VPS53: variants seen among roughly 807,000 people sequenced by gnomAD.
VPS53 encodes vacuolar protein sorting-associated protein 53 homolog.
A neutral mutation model predicts 107.0 loss-of-function variants in VPS53; 70 were observed. That is an observed-to-expected ratio of 0.65 (90% CI 0.54 to 0.80). The LOEUF is 0.80. Among genes scored for constraint, VPS53 ranks in the 30% least tolerant of loss-of-function variants. VPS53 has a pLI of 0.00. For missense variants in VPS53, 917 were observed against 1,049.4 expected (o/e 0.87, Z 1.74); for synonymous variants, 409 against 393.3 (o/e 1.04, Z -0.47).
intron 19 of VPS53, among the ~76,000 whole-genome samples, chr17:531,072 A>G (rs755661008): frequency 2.0e-5 from 3 of 152,238 alleles, no homozygotes; most frequent in Non-Finnish European, 4.4e-5. Context: ...GTTTCAGTCT[A>G]TGAACACTGC....
In VPS53 at chr17:519,059, G is replaced by A; in HGVS notation, c.*69C>T. On this transcript the variant is annotated 3_prime_UTR_variant, in exon 22 of 22. Coordinates refer to ENST00000437048, the MANE Select transcript of VPS53 (RefSeq NM_001128159.3). This position sits in a 1 kb window ranked among gnomAD's most constrained non-coding sequence, Gnocchi z 5.0. ...TGTGAGAGTGCCGGGGAGCACAGGAGAGGTTGGGGGCTTCTGGGGAACGGG... is the reference window on the plus strand; with the variant it reads ...TGTGAGAGTGCCGGGGAGCACAGGAAAGGTTGGGGGCTTCTGGGGAACGGG... 2.8e-6 allele frequency: 4 copies of A among 1,432,916 alleles called. No homozygotes were observed. The highest frequency in any genetic ancestry group is 3.7e-6 in the Non-Finnish European group (4 of 1,084,228). 88.8% of individuals were successfully genotyped at this position (1,432,916 alleles called of 1,614,324 possible).
At chr17:657,668 C>T (rs1971247470) in intron 5 of VPS53, 1 of 569,370 alleles carries the variant, frequency 1.8e-6, no homozygotes, top group African/African-American at 1.9e-5. Flanking sequence ...GCCCTGGATA[C>T]CAAACACAAA....
intron 4 of VPS53, among the ~76,000 whole-genome samples, chr17:682,208 C>T (rs1219246923): frequency 1.3e-5 from 2 of 152,044 alleles, no homozygotes; most frequent in African/African-American, 4.8e-5. Context: ...GTGGTAGATT[C>T]TTGAGGATTA....
intron 4 of VPS53, among the ~76,000 whole-genome samples, chr17:672,152 A>ACACAC (rs1555578480): frequency 3.4e-5 from 4 of 118,890 alleles, no homozygotes; most frequent in Admixed American, 8.4e-5. Flanking sequence ...ACACACACAC[A>ACACAC]ATCTCTCTCT....
At chr17:523,643 G>C (rs1908913796) in intron 19 of VPS53, among the ~76,000 whole-genome samples, 1 of 152,228 alleles carries the variant, frequency 6.6e-6, no homozygotes, top group Non-Finnish European at 1.5e-5. Context: ...GGTGTGGTAA[G>C]GAATTACACT....
At chr17:625,475 TAAA>T (rs34322673) in intron 10 of VPS53, among the ~76,000 whole-genome samples, 8 of 136,400 alleles carry the variant, frequency 5.9e-5, no homozygotes, top group South Asian at 2.3e-4. Context: ...CCCCATCTCT[TAAA>T]AAAAAAAAAA....
intron 17 of VPS53, among the ~76,000 whole-genome samples, chr17:546,078 AG>A (rs1911160181): frequency 6.6e-6 from 1 of 152,194 alleles, no homozygotes; most frequent in Admixed American, 6.6e-5. Flanking sequence ...ATTTTTTACG[AG>A]GGTATCAAGA....
At chr17:620,799 G>A (rs1332017617) in intron 11 of VPS53, among the ~76,000 whole-genome samples, 1 of 151,850 alleles carries the variant, frequency 6.6e-6, no homozygotes, top group Non-Finnish European at 1.5e-5. Flanking sequence ...GTCGTGATGG[G>A]GTTTTGTCAC....
chr17:573,352 C>T (rs909091324), intron 13 of VPS53, among the ~76,000 whole-genome samples: 2 of 152,210 alleles, frequency 1.3e-5, no homozygotes, highest in Admixed American at 1.3e-4. Context: ...ACGGCTTAGC[C>T]CAACCTGCTA....
intron 8 of VPS53, among the ~76,000 whole-genome samples, chr17:629,324 T>C (rs1969843087): frequency 6.6e-6 from 1 of 152,184 alleles, no homozygotes; most frequent in Non-Finnish European, 1.5e-5. Flanking sequence ...TGCCAAAACC[T>C]ATGGGTTCAC....
intron 5 of VPS53, chr17:656,914 G>A: frequency 1.4e-6 from 2 of 1,434,816 alleles, no homozygotes; most frequent in Non-Finnish European, 2.0e-6. Context: ...TAGTGAAAAT[G>A]TTGGAAACTT....
intron 7 of VPS53, among the ~76,000 whole-genome samples, chr17:633,998 T>C (rs998287415): frequency 6.6e-6 from 1 of 152,010 alleles, no homozygotes; most frequent in Non-Finnish European, 1.5e-5. Context: ...GAACTTATAG[T>C]AGGAACTTTT....
chr17:572,412 G>A (rs1188402451), intron 13 of VPS53, among the ~76,000 whole-genome samples: 5 of 138,522 alleles, frequency 3.6e-5, no homozygotes, highest in African/African-American at 1.1e-4. Context: ...GGAGGGAGGT[G>A]GGGGGGTCAG....
chr17:657,366 A>G, intron 5 of VPS53: 3 of 775,134 alleles, frequency 3.9e-6, no homozygotes, highest in Non-Finnish European at 7.0e-6. Flanking sequence ...ATCGATCTTA[A>G]TGAACCGCTG....
intron 11 of VPS53, among the ~76,000 whole-genome samples, chr17:611,784 C>T (rs915889260): frequency 1.3e-5 from 2 of 151,084 alleles, no homozygotes; most frequent in African/African-American, 4.9e-5. Context: ...TGAGTTCACA[C>T]AGTGAAAACC....
At chr17:688,315 C>T (rs1330368099) in intron 4 of VPS53, among the ~76,000 whole-genome samples, 2 of 152,184 alleles carry the variant, frequency 1.3e-5, no homozygotes, top group African/African-American at 4.8e-5. Flanking sequence ...CTCATTCTTC[C>T]TCTCTCCTGC....
intron 4 of VPS53, among the ~76,000 whole-genome samples, chr17:684,709 G>A (rs1030024892): frequency 3.9e-5 from 6 of 152,004 alleles, no homozygotes; most frequent in East Asian, 1.9e-4. Flanking sequence ...CAAGTTGGCC[G>A]GGCGCGGTGG....
intron 15 of VPS53, among the ~76,000 whole-genome samples, chr17:553,845 C>T (rs1052307279): frequency 1.3e-5 from 2 of 152,166 alleles, no homozygotes; most frequent in Admixed American, 1.3e-4. Context: ...GCTGAGATTA[C>T]AAGTGTGAGC....
At position 524,706 on chromosome 17, in the gene VPS53, A is replaced by C. The variant is rs2151797210; in HGVS notation, c.2086-2968T>G. Among the ~76,000 whole-genome samples the C allele has an allele frequency of 6.6e-6, 1 of 152,386 alleles. No individual in the cohort carries two copies. Among genetic ancestry groups the C allele is most frequent in the East Asian group, 1.9e-4 (1 of 5,196 alleles). On this transcript the variant is annotated intron_variant, in intron 19 of 21. Coordinates refer to ENST00000437048, the MANE Select transcript of VPS53 (RefSeq NM_001128159.3). The surrounding 1 kb of genome is among the most constrained non-coding windows in gnomAD (Gnocchi z 4.5). ...TAATACATCCATCAGAGTCAGAAGT[A>C]AACAGATTATTTGATAATCAAGTGT...
Sources: allele counts gnomAD v4.1 joint callset (sites outside exome capture counted in the v4.1 genomes callset), GRCh38; gene constraint gnomAD v4.1.1; non-coding constraint Gnocchi (gnomAD v3.1); transcripts MANE v1.5; gene names NCBI Gene and HGNC (gene_info 2026-07-23, HGNC 2026-07-21).